Variants in LRRC4C observed in about 807,000 individuals in gnomAD.
The protein encoded by LRRC4C is leucine-rich repeat-containing protein 4C.
In LRRC4C, 5 loss-of-function variants were observed where a neutral mutation model predicts 33.6. The observed-to-expected ratio is 0.15, with a 90% CI of 0.08 to 0.31. The LOEUF (loss-of-function observed/expected upper bound fraction) is 0.31, where lower values mean the gene tolerates loss of function less well. Ranked by LOEUF, LRRC4C falls within the 10% of genes least tolerant of loss-of-function variation. LRRC4C has a pLI of 1.00. For missense variants in LRRC4C, 560 were observed against 796.7 expected (o/e 0.70, Z 3.58); for synonymous variants, 329 against 302.0 (o/e 1.09, Z -0.93).
intron 1 of LRRC4C, among the ~76,000 whole-genome samples, chr11:41,313,762 A>T (rs1384024716): frequency 5.9e-5 from 9 of 152,192 alleles, no homozygotes; most frequent in Non-Finnish European, 1.0e-4. Context: ...TTTGTGATTT[A>T]TTCTGTGATC....
chr11:40,568,923 T>C (rs1030851254), intron 3 of LRRC4C, among the ~76,000 whole-genome samples: 29 of 152,168 alleles, frequency 1.9e-4, no homozygotes, highest in African/African-American at 6.8e-4. Context: ...AGGTGGTGCA[T>C]GATCATATTC....
chr11:40,451,398 T>C (rs1277499953), intron 3 of LRRC4C, among the ~76,000 whole-genome samples: 1 of 80,354 alleles, frequency 1.2e-5, no homozygotes, highest in Non-Finnish European at 2.5e-5. Context: ...TTTTTTTTTT[T>C]TTTTTGAGAC....
intron 1 of LRRC4C, among the ~76,000 whole-genome samples, chr11:41,285,898 C>T (rs10837618): frequency 0.2 from 30,403 of 151,922 alleles, 3,590 homozygotes; most frequent in East Asian, 0.43. Flanking sequence ...GGCATGATCT[C>T]GGCTCATTGC....
At chr11:40,985,337 T>C (rs965505638) in intron 1 of LRRC4C, among the ~76,000 whole-genome samples, 1 of 150,664 alleles carries the variant, frequency 6.6e-6, no homozygotes, top group Non-Finnish European at 1.5e-5. Context: ...ATCTTCCTTT[T>C]TGTTTTTGTT....
chr11:41,010,336 T>G (rs1181554693), intron 1 of LRRC4C, among the ~76,000 whole-genome samples: 1 of 152,178 alleles, frequency 6.6e-6, no homozygotes, highest in East Asian at 1.9e-4. Flanking sequence ...TTAAATTAAA[T>G]GAATTTTATG....
chr11:40,124,970 A>AATAT (rs150568234), intron 6 of LRRC4C, among the ~76,000 whole-genome samples: 6 of 150,400 alleles, frequency 4.0e-5, no homozygotes, highest in Non-Finnish European at 8.9e-5. Context: ...TTAAAAAAAG[A>AATAT]ATATATATAT....
chr11:41,131,105 T>C (rs2135836128), intron 1 of LRRC4C, among the ~76,000 whole-genome samples: 1 of 152,090 alleles, frequency 6.6e-6, no homozygotes, highest in Middle Eastern at 3.4e-3. Flanking sequence ...AAACATTGGA[T>C]CAAGTGGTGC....
chr11:40,484,133 A>T (rs995074414), intron 3 of LRRC4C, among the ~76,000 whole-genome samples: 1 of 152,092 alleles, frequency 6.6e-6, no homozygotes, highest in Non-Finnish European at 1.5e-5. Context: ...AAAATGTACT[A>T]ATCTAGTGTT....
intron 2 of LRRC4C, among the ~76,000 whole-genome samples, chr11:40,860,877 T>C (rs1954061757): frequency 7.0e-6 from 1 of 143,726 alleles, no homozygotes; most frequent in South Asian, 2.2e-4. Flanking sequence ...CAAGGTTTTA[T>C]TTTGATATGA....
intron 1 of LRRC4C, among the ~76,000 whole-genome samples, chr11:41,237,808 A>G (rs1948087496): frequency 6.6e-6 from 1 of 151,896 alleles, no homozygotes. Flanking sequence ...CCTATTTATC[A>G]CTTCTCTGTG....
intron 4 of LRRC4C, among the ~76,000 whole-genome samples, chr11:40,302,339 T>G (rs2136674313): frequency 6.6e-6 from 1 of 152,334 alleles, no homozygotes; most frequent in African/African-American, 2.4e-5. Context: ...AATTTTTTAC[T>G]TTAATTCTTA....
intron 1 of LRRC4C, among the ~76,000 whole-genome samples, chr11:40,981,949 A>G (rs1852574247): frequency 6.6e-6 from 1 of 152,250 alleles, no homozygotes; most frequent in African/African-American, 2.4e-5. Flanking sequence ...ATTTTTAAAG[A>G]AAGGAAATAT....
chr11:40,199,322 C>T (rs756697168), intron 5 of LRRC4C, among the ~76,000 whole-genome samples: 3 of 152,276 alleles, frequency 2.0e-5, no homozygotes, highest in East Asian at 1.9e-4. Context: ...CCACCCATGT[C>T]GGTATCCCAG....
At chr11:41,135,061 T>TACATATACAC (rs1555085201) in intron 1 of LRRC4C, among the ~76,000 whole-genome samples, 38 of 151,336 alleles carry the variant, frequency 2.5e-4, no homozygotes, top group African/African-American at 8.5e-4. Flanking sequence ...TATACACATA[T>TACATATACAC]ACACACACAC....
At chr11:40,611,357 A>T (rs1961198951) in intron 3 of LRRC4C, among the ~76,000 whole-genome samples, 1 of 151,940 alleles carries the variant, frequency 6.6e-6, no homozygotes, top group Non-Finnish European at 1.5e-5. Context: ...ACCATACATA[A>T]AAATTAACTC....
At chr11:40,255,854 CTAAG>C (rs1867165108) in intron 4 of LRRC4C, among the ~76,000 whole-genome samples, 1 of 152,192 alleles carries the variant, frequency 6.6e-6, no homozygotes, top group South Asian at 2.1e-4. Flanking sequence ...TGGGAGACAA[CTAAG>C]TCTTTAAAAA....
chr11:41,071,209 T>G (rs7927400), intron 1 of LRRC4C, among the ~76,000 whole-genome samples: 3 of 152,008 alleles, frequency 2.0e-5, no homozygotes, highest in Admixed American at 6.5e-5. Flanking sequence ...TGAGAACACA[T>G]GGACACAGGG....
At chr11:41,071,507 GA>G (rs1938681170) in intron 1 of LRRC4C, among the ~76,000 whole-genome samples, 1 of 152,134 alleles carries the variant, frequency 6.6e-6, no homozygotes, top group Non-Finnish European at 1.5e-5. Flanking sequence ...CTCTATAAAT[GA>G]AACAGCAAAG....
chr11:40,196,299 G>A (rs1188709506), intron 5 of LRRC4C, among the ~76,000 whole-genome samples: 1 of 152,182 alleles, frequency 6.6e-6, no homozygotes, highest in East Asian at 1.9e-4. Flanking sequence ...CAGATATACT[G>A]ATTCTACAGC....
Sources: gnomAD v4.1 joint callset for allele counts (sites outside exome capture counted in the v4.1 genomes callset) on GRCh38, gnomAD v4.1.1 for gene constraint, MANE v1.5 for transcripts, NCBI Gene and HGNC (gene_info 2026-07-23, HGNC 2026-07-21) for gene names.